UBR3: variants seen among roughly 807,000 people sequenced by gnomAD.
UBR3 encodes the protein E3 ubiquitin-protein ligase UBR3.
In UBR3, 85 loss-of-function variants were observed where a neutral mutation model predicts 243.2. That is an observed-to-expected ratio of 0.35 (90% CI 0.29 to 0.42). The LOEUF is 0.42. Ranked by LOEUF, UBR3 falls within the 10% of genes least tolerant of loss-of-function variation. The pLI is 1.00. For missense variants in UBR3, 1,686 were observed against 2,300.8 expected, an observed-to-expected ratio of 0.73 and a Z score of 5.47; for synonymous variants, 748 against 799.8, an observed-to-expected ratio of 0.94 and a Z score of 1.09.
In UBR3 at chr2:169,914,542, G is replaced by A. The variant is rs114740260; in HGVS notation, c.1866+396G>A. On this transcript the variant is annotated intron_variant, in intron 11 of 38. Transcript: ENST00000272793. The stretch of plus-strand genomic sequence containing the variant: ...CATACAACTCTATTAATTGGACAGT[G>A]TTCTGTTTGTCAGAGTAGGAAAAGA... Among the ~76,000 whole-genome samples, 1,179 of 152,322 alleles carry A rather than the reference G, an allele frequency of 7.7e-3. 13 individuals are homozygous for A. Among genetic ancestry groups the A allele is most frequent in the African/African-American group, 0.026 (1,067 of 41,568 alleles).
chr2:170,040,161 CAG>C (rs1289297661), intron 31 of UBR3, among the ~76,000 whole-genome samples: 1 of 152,144 alleles, frequency 6.6e-6, no homozygotes, highest in South Asian at 2.1e-4. Flanking sequence ...AATTTTGAGA[CAG>C]AGTCTCACTT....
chr2:170,073,391 GA>G, intron 35 of UBR3, 36 bp from the exon 36 acceptor site: 1 of 1,608,528 alleles, frequency 6.2e-7, no homozygotes, highest in Non-Finnish European at 8.5e-7. Flanking sequence ...TGTTCTTGAT[GA>G]AATATTTTCA....
At chr2:169,943,710 GTTC>G (rs1202119821) in intron 20 of UBR3, among the ~76,000 whole-genome samples, 2 of 152,000 alleles carry the variant, frequency 1.3e-5, no homozygotes, top group African/African-American at 4.8e-5. Flanking sequence ...AAAACCTATT[GTTC>G]TTCTTCCTAA....
chr2:170,032,854 T>A (rs1274094303), intron 31 of UBR3, among the ~76,000 whole-genome samples: 4 of 152,164 alleles, frequency 2.6e-5, no homozygotes, highest in Middle Eastern at 3.4e-3. Context: ...ATTTTACCCT[T>A]CGTAATTACT....
At chr2:170,006,895 C>T in intron 27 of UBR3, 95 bp from the exon 28 acceptor site, 1 of 1,043,786 alleles carries the variant, frequency 9.6e-7, no homozygotes, top group South Asian at 1.6e-5. Context: ...TGTCTTTTTT[C>T]TATGGTTTAT....
At chr2:169,948,846 G>C (rs1009830516) in intron 22 of UBR3, among the ~76,000 whole-genome samples, 2 of 151,816 alleles carry the variant, frequency 1.3e-5, no homozygotes, top group East Asian at 3.8e-4. Flanking sequence ...GAGCCCTGGT[G>C]CAGTTTGATT....
intron 17 of UBR3, 37 bp from the exon 18 acceptor site, chr2:169,928,690 T>A (rs2086002595): frequency 7.0e-7 from 1 of 1,424,136 alleles, no homozygotes; most frequent in Admixed American, 2.2e-5. Context: ...AATCTGGCTT[T>A]TTGTTACTAA....
At chr2:170,049,107 C>A (rs895448557) in intron 32 of UBR3, among the ~76,000 whole-genome samples, 2 of 152,212 alleles carry the variant, frequency 1.3e-5, no homozygotes, top group African/African-American at 2.4e-5. Context: ...GTTGAATCCA[C>A]TGCACATATT....
At chr2:169,992,456 A>G (rs140180631) in intron 25 of UBR3, among the ~76,000 whole-genome samples, 1,778 of 152,288 alleles carry the variant, frequency 0.012, 49 homozygotes, top group African/African-American at 0.039. Flanking sequence ...ACACAGGAAA[A>G]CAGTAGACCA....
At chr2:170,014,680 C>G in intron 29 of UBR3, 1 of 152,084 alleles carries the variant, frequency 6.6e-6, no homozygotes, top group Non-Finnish European at 1.5e-5. Flanking sequence ...TGATGGTTAG[C>G]CATATCAGTA....
Position 170,007,063 on chromosome 2 carries a change from A to C in UBR3, c.4103A>C (p.Asn1368Thr). The C allele has an allele frequency of 6.2e-7, 1 of 1,613,862 alleles. No homozygotes were observed. The highest frequency in any genetic ancestry group is 8.5e-7 in the Non-Finnish European group (1 of 1,179,986). The change falls in exon 28 of 39, where the codon AAC becomes ACC. Residue 1368 changes from asparagine to threonine, a missense_variant. Asn to Thr is a moderately conservative substitution (Grantham distance 65). This residue lies in a region of UBR3 where 156 missense variants were observed against 246.3 expected (regional missense o/e 0.63). Coordinates refer to ENST00000272793, the MANE Select transcript of UBR3 (RefSeq NM_172070.4). ...FTCPLCRQFA[N>T]SVLPCYPGSN... ...TGTCCACTCTGTAGGCAGTTTGCTA[A>C]CAGTGTTCTTCCATGTTATCCTGGA...
At chr2:169,958,855 T>TA (rs1195890437) in intron 24 of UBR3, among the ~76,000 whole-genome samples, 1 of 152,214 alleles carries the variant, frequency 6.6e-6, no homozygotes, top group African/African-American at 2.4e-5. Context: ...GAAATTATCT[T>TA]AAAATCCTTA....
intron 18 of UBR3, among the ~76,000 whole-genome samples, chr2:169,932,578 C>G (rs1268931239): frequency 1.3e-5 from 2 of 152,104 alleles, no homozygotes; most frequent in Non-Finnish European, 2.9e-5. Flanking sequence ...TTTAAATACT[C>G]TCAGAGATCC....
At chr2:169,945,598 A>G (rs192084912) in intron 20 of UBR3, among the ~76,000 whole-genome samples, 45 of 152,256 alleles carry the variant, frequency 3.0e-4, no homozygotes, top group African/African-American at 1.0e-3. Flanking sequence ...ATTTGGCCAG[A>G]TGACTTTTAT....
At position 169,827,834 on chromosome 2, in the gene UBR3, G is replaced by C. The variant is rs778216758; in HGVS notation, c.327G>C (p.Ala109=). ...AGGGGYDEFC[A]AVRAYDPAAL... ...GCGGCGGCTACGACGAGTTCTGCGC[G>C]GCGGTGCGGGCCTACGATCCCGCGG... Residue 109 remains alanine, a synonymous_variant, in exon 1 of 39, where the codon GCG becomes GCC. Coordinates refer to ENST00000272793, the MANE Select transcript of UBR3 (RefSeq NM_172070.4). 2.0e-6 allele frequency: 3 copies of C among 1,503,086 alleles called. No homozygotes were observed. Among genetic ancestry groups the C allele is most frequent in the Non-Finnish European group, 2.7e-6 (3 of 1,130,138 alleles). The allele number at this position is 1,503,086 out of a possible 1,614,324, so 93.1% of individuals were successfully genotyped here. A position where few individuals can be genotyped will look rare whatever the true frequency, so the allele number is the denominator to read the frequency against.
intron 36 of UBR3, among the ~76,000 whole-genome samples, chr2:170,074,997 G>C (rs766923102): frequency 8.5e-5 from 13 of 152,166 alleles, no homozygotes; most frequent in Non-Finnish European, 2.9e-5. Context: ...CAAGTTTCAG[G>C]GAAAGTGAGA....
intron 32 of UBR3, among the ~76,000 whole-genome samples, chr2:170,050,000 A>G (rs1418961476): frequency 2.0e-5 from 3 of 152,210 alleles, no homozygotes; most frequent in Non-Finnish European, 4.4e-5. Context: ...TCACTTCTAT[A>G]TAATGTTTTT....
intron 1 of UBR3, among the ~76,000 whole-genome samples, chr2:169,867,030 T>G (rs938680894): frequency 6.6e-6 from 1 of 152,278 alleles, no homozygotes; most frequent in Non-Finnish European, 1.5e-5. Flanking sequence ...CAATGATGTT[T>G]TAAATTGTGG....
At chr2:170,015,653 A>G (rs13028644) in intron 30 of UBR3, among the ~76,000 whole-genome samples, 66,061 of 151,618 alleles carry the variant, frequency 0.44, 15,496 homozygotes, top group Non-Finnish European at 0.54. Context: ...TTAAACTTTA[A>G]TTCTCTTAAA....
Sources: gnomAD v4.1 joint callset for allele counts (sites outside exome capture counted in the v4.1 genomes callset) on GRCh38, gnomAD v4.1.1 for gene constraint, gnomAD v4.1.1 regional missense constraint, MANE v1.5 for transcripts, NCBI Gene and HGNC (gene_info 2026-07-23, HGNC 2026-07-21) for gene names.